CNTNAP4: variants seen among roughly 807,000 people sequenced by gnomAD.
The protein encoded by CNTNAP4 is contactin-associated protein-like 4.
Under a neutral mutation model 148.4 loss-of-function variants are expected in CNTNAP4, and 98 were observed. The ratio of observed to expected loss-of-function variants is 0.66; its 90% CI spans 0.56 to 0.78. The LOEUF is 0.78. CNTNAP4 is among the 30% of genes least tolerant of loss of function. The pLI is 0.00. For synonymous variants in CNTNAP4, 730 were observed against 565.1 expected (o/e 1.29, Z -4.14); for missense variants, 1,935 against 1,565.6 (o/e 1.24, Z -3.98).
intron 2 of CNTNAP4, among the ~76,000 whole-genome samples, chr16:76,334,197 AATAAT>A (rs1963816323): frequency 1.3e-5 from 2 of 151,716 alleles, no homozygotes; most frequent in Non-Finnish European, 2.9e-5. Flanking sequence ...TAATAATAAT[AATAAT>A]AAACAGCCTA....
At chr16:76,333,511 T>G (rs895677643) in intron 2 of CNTNAP4, among the ~76,000 whole-genome samples, 5 of 152,208 alleles carry the variant, frequency 3.3e-5, no homozygotes, top group Admixed American at 3.3e-4. Context: ...ATTAATTGTT[T>G]GTACATTGTT....
At chr16:76,456,717 C>T (rs1568248808) in intron 8 of CNTNAP4, among the ~76,000 whole-genome samples, 1 of 152,028 alleles carries the variant, frequency 6.6e-6, no homozygotes. Flanking sequence ...GCTGTTGCGG[C>T]CTATTTTTCT....
At chr16:76,443,567 G>C (rs1415602667) in intron 4 of CNTNAP4, among the ~76,000 whole-genome samples, 1 of 152,082 alleles carries the variant, frequency 6.6e-6, no homozygotes, top group Non-Finnish European at 1.5e-5. Context: ...CTCCAGCCTA[G>C]GTGACAGAGG....
At chr16:76,483,162 TAGGA>T (rs984244736) in intron 12 of CNTNAP4, among the ~76,000 whole-genome samples, 4 of 151,876 alleles carry the variant, frequency 2.6e-5, no homozygotes, top group African/African-American at 9.7e-5. Flanking sequence ...ACACATGTTA[TAGGA>T]AGTTTCATTC....
At chr16:76,405,139 G>A (rs1189303541) in intron 3 of CNTNAP4, among the ~76,000 whole-genome samples, 1 of 152,160 alleles carries the variant, frequency 6.6e-6, no homozygotes, top group Non-Finnish European at 1.5e-5. Context: ...TTGCTGTAAT[G>A]TAGTTGTTAA....
intron 3 of CNTNAP4, among the ~76,000 whole-genome samples, chr16:76,390,920 G>C (rs1449331039): frequency 6.6e-6 from 1 of 152,006 alleles, no homozygotes; most frequent in African/African-American, 2.4e-5. Flanking sequence ...GGGTACATGA[G>C]ATGTTTTGAT....
At chr16:76,362,079 T>C (rs765384785) in intron 3 of CNTNAP4, among the ~76,000 whole-genome samples, 2 of 152,106 alleles carry the variant, frequency 1.3e-5, no homozygotes, top group Non-Finnish European at 2.9e-5. Context: ...ACTATACTAT[T>C]ATTATATATT....
chr16:76,467,746 C>T (rs2135620), intron 10 of CNTNAP4, among the ~76,000 whole-genome samples: 85,048 of 151,952 alleles, frequency 0.56, 24,000 homozygotes, highest in African/African-American at 0.64. Context: ...TGTATGGCCA[C>T]GTATGTACAC....
chr16:76,458,263 T>C (rs2080810441), intron 8 of CNTNAP4, among the ~76,000 whole-genome samples: 1 of 152,160 alleles, frequency 6.6e-6, no homozygotes, highest in South Asian at 2.1e-4. Context: ...AATACGTGAA[T>C]GCAGGCATCT....
At chr16:76,434,348 C>G (rs2145097022) in intron 4 of CNTNAP4, among the ~76,000 whole-genome samples, 1 of 152,192 alleles carries the variant, frequency 6.6e-6, no homozygotes, top group Admixed American at 6.5e-5. Context: ...CAGCTGAAAG[C>G]AAATTGTTTC....
At chr16:76,513,839 G>A (rs1364428393) in intron 15 of CNTNAP4, among the ~76,000 whole-genome samples, 1 of 152,124 alleles carries the variant, frequency 6.6e-6, no homozygotes, top group Non-Finnish European at 1.5e-5. Flanking sequence ...GTAAATAAAG[G>A]AATCGCACTT....
At chr16:76,473,853 TTTG>T (rs1568317690) in intron 10 of CNTNAP4, among the ~76,000 whole-genome samples, 11 of 3,360 alleles carry the variant, frequency 3.3e-3, no homozygotes, top group East Asian at 0.14. Flanking sequence ...TTTTTTTTGT[TTTG>T]TTTTGTTTTG....
At chr16:76,489,969 GTGGT>G (rs1238609641) in intron 13 of CNTNAP4, 86 bp downstream of exon 13, 3 of 874,118 alleles carry the variant, frequency 3.4e-6, no homozygotes, top group Non-Finnish European at 4.9e-6. Context: ...AGTCTGCAAA[GTGGT>G]GGTGTCTAGC....
At chr16:76,300,327 T>G (rs554762758) in intron 1 of CNTNAP4, among the ~76,000 whole-genome samples, 19 of 151,942 alleles carry the variant, frequency 1.3e-4, no homozygotes, top group Middle Eastern at 3.5e-3. Context: ...CTGAAATAGC[T>G]AGTTCAAGCA....
intron 17 of CNTNAP4, among the ~76,000 whole-genome samples, chr16:76,529,958 C>T (rs2083903045): frequency 6.6e-6 from 1 of 151,790 alleles, no homozygotes; most frequent in African/African-American, 2.4e-5. Context: ...GGAAATAGTG[C>T]CATATCTCTA....
intron 8 of CNTNAP4, among the ~76,000 whole-genome samples, chr16:76,461,073 G>C (rs548825045): frequency 6.6e-6 from 1 of 151,902 alleles, no homozygotes; most frequent in Non-Finnish European, 1.5e-5. Flanking sequence ...ACTCATGCGT[G>C]AATGAAACTT....
At chr16:76,460,893 C>A (rs2080935664) in intron 8 of CNTNAP4, among the ~76,000 whole-genome samples, 1 of 148,594 alleles carries the variant, frequency 6.7e-6, no homozygotes, top group South Asian at 2.1e-4. Context: ...AATACTGAAC[C>A]TTTGCTCCTG....
rs935404407 is a variant in CNTNAP4, at chr16:76,490,092, T to G, written c.2080+209T>G. Among the ~76,000 whole-genome samples, 10 of 152,362 alleles carry G rather than the reference T, an allele frequency of 6.6e-5. No individual in the cohort carries two copies. The East Asian group carries it at 1.7e-3, about 26-fold the overall frequency. ...CAAGGTCAATTTACACTGAGCTTTATTCAAAGCCTTGATTGCTTTTAAACT... is the reference window on the plus strand; with the variant it reads ...CAAGGTCAATTTACACTGAGCTTTAGTCAAAGCCTTGATTGCTTTTAAACT... On this transcript the variant is annotated intron_variant, in intron 13 of 23. Coordinates refer to ENST00000611870, the MANE Select transcript of CNTNAP4 (RefSeq NM_033401.5).
At chr16:76,283,780 C>A (rs1422800694) in intron 1 of CNTNAP4, among the ~76,000 whole-genome samples, 2 of 151,922 alleles carry the variant, frequency 1.3e-5, no homozygotes, top group Non-Finnish European at 2.9e-5. Flanking sequence ...ACTTATGTAA[C>A]AAACCTGCAC....
Sources: gnomAD v4.1 joint callset for allele counts (sites outside exome capture counted in the v4.1 genomes callset) on GRCh38, gnomAD v4.1.1 for gene constraint, MANE v1.5 for transcripts, NCBI Gene and HGNC (gene_info 2026-07-23, HGNC 2026-07-21) for gene names.